SMYD3: variants seen among roughly 807,000 people sequenced by gnomAD.
The protein encoded by SMYD3 is SET and MYND domain containing 3.
In SMYD3, 36 loss-of-function variants were observed where a neutral mutation model predicts 57.7. The ratio of observed to expected loss-of-function variants is 0.62; its 90% confidence interval spans 0.48 to 0.82. The LOEUF (loss-of-function observed/expected upper bound fraction) is 0.82. Among genes scored for constraint, SMYD3 ranks in the 40% least tolerant of loss-of-function variants. The probability of loss-of-function intolerance (pLI) is 0.00; values close to 1 mark genes in which losing one functional copy is unlikely to be tolerated. For missense variants in SMYD3, 515 were observed against 538.8 expected, an observed-to-expected ratio of 0.96 and a Z score of 0.44; for synonymous variants, 211 against 195.0, an observed-to-expected ratio of 1.08 and a Z score of -0.68.
At chr1:246,468,458 T>C (rs1041891569) in intron 1 of SMYD3, among the ~76,000 whole-genome samples, 12 of 151,666 alleles carry the variant, frequency 7.9e-5, no homozygotes, top group Non-Finnish European at 1.5e-4. Flanking sequence ...CTGGGCAACA[T>C]GGTGAAACCC....
chr1:246,249,096 A>G (rs1000723921), intron 5 of SMYD3, among the ~76,000 whole-genome samples: 2 of 151,630 alleles, frequency 1.3e-5, no homozygotes, highest in Admixed American at 1.3e-4. Context: ...TTTTTATAGT[A>G]TGATCATTGC....
intron 1 of SMYD3, among the ~76,000 whole-genome samples, chr1:246,422,241 A>G (rs907729323): frequency 7.2e-5 from 11 of 152,174 alleles, no homozygotes; most frequent in Non-Finnish European, 1.3e-4. Context: ...ATTTTTGCAC[A>G]GACAACTAAG....
intron 5 of SMYD3, among the ~76,000 whole-genome samples, chr1:246,039,007 C>T (rs1229609559): frequency 2.0e-5 from 3 of 152,048 alleles, no homozygotes; most frequent in Admixed American, 6.5e-5. Context: ...AAAAATTGGC[C>T]GTTCAAGTCT....
At chr1:245,780,393 A>G (rs559327751) in intron 10 of SMYD3, among the ~76,000 whole-genome samples, 1 of 152,356 alleles carries the variant, frequency 6.6e-6, no homozygotes, top group South Asian at 2.1e-4. Context: ...CTTTAAAAAC[A>G]TTATGCTAAG....
rs1309163472 is a variant in SMYD3 at position 246,507,048 on chromosome 1, A to G, written c.164+6T>C. On this transcript the variant is annotated splice_donor_region_variant and intron_variant, in intron 1 of 11. Transcript: ENST00000490107. ...ACTCAGGTAGGCGAGGGCGCTCCTT[A>G]CGCACCCGAGAAGGCAGCGGTCGCA... 4.1e-6 allele frequency: 6 copies of G among 1,470,644 alleles called. No homozygotes were observed. In the Admixed American group the frequency reaches 1.4e-4, roughly 33 times the overall value. The allele number at this position is 1,470,644 out of a possible 1,614,324, so 91.1% of individuals were successfully genotyped here. A position where few individuals can be genotyped will look rare whatever the true frequency, so the allele number is the denominator to read the frequency against.
intron 5 of SMYD3, among the ~76,000 whole-genome samples, chr1:246,160,500 C>T (rs916252836): frequency 1.3e-5 from 2 of 152,172 alleles, no homozygotes; most frequent in African/African-American, 4.8e-5. Context: ...GGTGCTGAAA[C>T]ATTAATGAGC....
intron 10 of SMYD3, among the ~76,000 whole-genome samples, chr1:245,771,139 TATAC>T (rs140025152): frequency 4.0e-5 from 6 of 151,654 alleles, no homozygotes; most frequent in East Asian, 1.9e-4. Context: ...TACATGTATA[TATAC>T]ATACATACAT....
chr1:246,395,619 T>A (rs61839769), intron 1 of SMYD3, among the ~76,000 whole-genome samples: 1,091 of 28,108 alleles, frequency 0.039, 6 homozygotes, highest in African/African-American at 0.11. Flanking sequence ...CCACCATGGC[T>A]GGACAGGGAA....
intron 5 of SMYD3, among the ~76,000 whole-genome samples, chr1:246,049,092 G>T (rs2060018495): frequency 6.6e-6 from 1 of 152,102 alleles, no homozygotes; most frequent in South Asian, 2.1e-4. Flanking sequence ...CAAGGAAAAT[G>T]GGGTTGGAGG....
chr1:245,946,209 A>G (rs1387797831), intron 5 of SMYD3, among the ~76,000 whole-genome samples: 1 of 152,176 alleles, frequency 6.6e-6, no homozygotes, highest in Non-Finnish European at 1.5e-5. Flanking sequence ...GCCAGAAAGG[A>G]GATACAGGAA....
intron 1 of SMYD3, 55 bp downstream of exon 1, chr1:246,506,999 C>CAGCA: frequency 4.1e-6 from 4 of 972,792 alleles, no homozygotes; most frequent in Non-Finnish European, 5.3e-6. Context: ...GCCCCCCCCT[C>CAGCA]CCCAGCACCC....
At chr1:246,045,090 C>G (rs1175537953) in intron 5 of SMYD3, among the ~76,000 whole-genome samples, 1 of 152,200 alleles carries the variant, frequency 6.6e-6, no homozygotes, top group African/African-American at 2.4e-5. Context: ...CCATCCCCAT[C>G]AAGCTACCAA....
At chr1:246,095,164 C>A (rs948153337) in intron 5 of SMYD3, among the ~76,000 whole-genome samples, 2 of 152,194 alleles carry the variant, frequency 1.3e-5, no homozygotes, top group African/African-American at 4.8e-5. Context: ...TCTCCCCACA[C>A]CATGGGCTTG....
At chr1:246,324,143 G>A (rs867195802) in intron 5 of SMYD3, among the ~76,000 whole-genome samples, 1 of 152,124 alleles carries the variant, frequency 6.6e-6, no homozygotes, top group African/African-American at 2.4e-5. Context: ...GGCCGGGTGC[G>A]GTAGCTCACG....
intron 1 of SMYD3, chr1:246,483,741 T>C (rs1046522194): frequency 6.6e-6 from 1 of 152,172 alleles, no homozygotes; most frequent in Non-Finnish European, 1.5e-5. Context: ...TGACCAGCAA[T>C]GAGCATTCAC....
chr1:245,885,984 A>T (rs2053067312), intron 8 of SMYD3, among the ~76,000 whole-genome samples: 1 of 152,162 alleles, frequency 6.6e-6, no homozygotes. Context: ...ACATGTTTTT[A>T]TTTCAGTTGT....
intron 5 of SMYD3, among the ~76,000 whole-genome samples, chr1:246,067,893 C>T (rs994501036): frequency 7.2e-5 from 11 of 152,026 alleles, no homozygotes; most frequent in Non-Finnish European, 1.0e-4. Context: ...GCAAATAGTT[C>T]GAAAGGCCAC....
At chr1:246,331,608 C>T (rs933506201) in intron 3 of SMYD3, among the ~76,000 whole-genome samples, 2 of 152,160 alleles carry the variant, frequency 1.3e-5, no homozygotes, top group African/African-American at 4.8e-5. Context: ...CTGGAATAAT[C>T]TACCTTCTAC....
intron 5 of SMYD3, among the ~76,000 whole-genome samples, chr1:246,126,249 A>G (rs1219539112): frequency 6.6e-6 from 1 of 152,180 alleles, no homozygotes; most frequent in African/African-American, 2.4e-5. Context: ...AGTATTTTCA[A>G]TTGTCACAAT....
Sources: allele counts gnomAD v4.1 joint callset (sites outside exome capture counted in the v4.1 genomes callset), GRCh38; gene constraint gnomAD v4.1.1; transcripts MANE v1.5; gene names NCBI Gene and HGNC (gene_info 2026-07-23, HGNC 2026-07-21).